NCOR1: variants seen among roughly 807,000 people sequenced by gnomAD.
The protein encoded by NCOR1 is protein phosphatase 1, regulatory subunit 109.
NCOR1 carries 63 observed loss-of-function variants against 288.1 expected under a neutral mutation model. The ratio of observed to expected loss-of-function variants is 0.22; its 90% CI spans 0.18 to 0.27. The LOEUF (loss-of-function observed/expected upper bound fraction) is 0.27, where lower values mean the gene tolerates loss of function less well. NCOR1 is among the 10% of genes least tolerant of loss of function. NCOR1 has a pLI of 1.00. For missense variants in NCOR1, 2,397 were observed against 3,019.2 expected (o/e 0.79, Z 4.83); for synonymous variants, 1,007 against 1,065.9 (o/e 0.94, Z 1.08).
chr17:16,160,433 T>C (rs1045672362), intron 5 of NCOR1, among the ~76,000 whole-genome samples: 1 of 152,034 alleles, frequency 6.6e-6, no homozygotes, highest in Non-Finnish European at 1.5e-5. Context: ...AAAGAAAAAT[T>C]AGGTAAAGAC....
intron 18 of NCOR1, among the ~76,000 whole-genome samples, chr17:16,116,730 T>C (rs1432143512): frequency 6.6e-6 from 1 of 152,114 alleles, no homozygotes; most frequent in African/African-American, 2.4e-5. Context: ...GAACTTTATG[T>C]TTACTTCCCA....
chr17:16,180,817 T>A (rs1349655856), intron 3 of NCOR1, among the ~76,000 whole-genome samples: 1 of 151,660 alleles, frequency 6.6e-6, no homozygotes, highest in African/African-American at 2.4e-5. Context: ...TTCACAATAG[T>A]TCATATATAG....
At chr17:16,200,774 A>T (rs2090684231) in intron 1 of NCOR1, among the ~76,000 whole-genome samples, 1 of 152,202 alleles carries the variant, frequency 6.6e-6, no homozygotes, top group African/African-American at 2.4e-5. Flanking sequence ...AGGTCACACC[A>T]GTTCCCACAA....
Position 16,109,752 on chromosome 17 carries a change from TGA to T in NCOR1, c.2056-842_2056-841del, listed in dbSNP as rs1228552183. 2.0e-5 allele frequency among the ~76,000 whole-genome samples: 3 copies of T among 152,152 alleles called. No homozygotes were observed. The East Asian group carries it at 5.8e-4, about 29-fold the overall frequency. On this transcript the variant is annotated intron_variant, in intron 18 of 45. Transcript: ENST00000268712. ...TACCACTCAATTTATTTTTCTTTTT[TGA>T]GACAGAATCTTGCTCTGTCACCCAG...
In NCOR1 at chr17:16,080,652, A is replaced by C. The variant is rs1290630851; in HGVS notation, c.3253T>G (p.Ser1085Ala). ...TQETPKPSVGSISLGLPRQQE... is the reference protein window; with the variant it reads ...TQETPKPSVGAISLGLPRQQE... ...TGCCGTGGCAGTCCAAGAGAGATAG[A>C]TCCCACTGACGGCTTGGGTGTTTCT... The change falls in exon 24 of 46, where the codon TCT (serine) becomes GCT (alanine). Residue 1085 changes from serine (S) to alanine (A), a missense_variant. Physicochemically the swap from Ser to Ala is moderately conservative, Grantham distance 99 (BLOSUM62 1). Coordinates refer to ENST00000268712, the MANE Select transcript of NCOR1 (RefSeq NM_006311.4). 6.2e-7 allele frequency: 1 copy of C among 1,614,160 alleles called. No individual in the cohort carries two copies. Among genetic ancestry groups the C allele is most frequent in the Non-Finnish European group, 8.5e-7 (1 of 1,180,014 alleles).
At chr17:16,212,986 T>A (rs1307530960) in intron 1 of NCOR1, among the ~76,000 whole-genome samples, 1 of 146,660 alleles carries the variant, frequency 6.8e-6, no homozygotes, top group Non-Finnish European at 1.5e-5. Context: ...GGTGGAAGGA[T>A]CACCTGAGTC....
At chr17:16,200,075 C>T (rs1464491485) in intron 1 of NCOR1, among the ~76,000 whole-genome samples, 1 of 151,500 alleles carries the variant, frequency 6.6e-6, no homozygotes, top group Non-Finnish European at 1.5e-5. Context: ...TACTATCCTG[C>T]CAAAAAAAAA....
intron 5 of NCOR1, among the ~76,000 whole-genome samples, chr17:16,161,466 T>C (rs550873107): frequency 1.3e-5 from 2 of 152,238 alleles, no homozygotes; most frequent in South Asian, 2.1e-4. Flanking sequence ...AGCTAATTTT[T>C]TGTATTTTTA....
At chr17:16,212,553 T>C (rs533548774) in intron 1 of NCOR1, among the ~76,000 whole-genome samples, 1 of 152,296 alleles carries the variant, frequency 6.6e-6, no homozygotes, top group South Asian at 2.1e-4. Context: ...GAACTAAATA[T>C]GCAAGAGTTC....
chr17:16,191,631 G>A (rs964868089), intron 2 of NCOR1, among the ~76,000 whole-genome samples: 1 of 151,924 alleles, frequency 6.6e-6, no homozygotes, highest in East Asian at 1.9e-4. Flanking sequence ...AGTGAACAGA[G>A]GTCCAGTGAA....
chr17:16,057,775 G>A, intron 39 of NCOR1, 38 bp from the exon 40 acceptor site: 1 of 1,573,376 alleles, frequency 6.4e-7, no homozygotes, highest in Admixed American at 1.8e-5. Context: ...AAAATTCATT[G>A]AGTACTTGCA....
At chr17:16,086,615 T>C (rs1354530858) in intron 22 of NCOR1, among the ~76,000 whole-genome samples, 173 bp from the exon 23 acceptor site, 1 of 152,240 alleles carries the variant, frequency 6.6e-6, no homozygotes, top group Non-Finnish European at 1.5e-5. Flanking sequence ...GTATACATAT[T>C]TGTCACAAAT....
rs1568008680 is a variant in NCOR1 at position 16,100,075 on chromosome 17, TA to T, written c.2690+1174del. Among the ~76,000 whole-genome samples, 8 of 152,058 alleles carry T rather than the reference TA, an allele frequency of 5.3e-5. No individual in the cohort carries two copies. The South Asian group carries it at 1.7e-3, about 32-fold the overall frequency. ...GAGTAGCTTGTCTCTTTATTCTTAT[TA>T]AAAAGAAAAAAAAGGAGTGGGGTTT... On this transcript the variant is annotated intron_variant, in intron 20 of 45. Transcript: ENST00000268712.
At chr17:16,207,498 T>A (rs1257298848) in intron 1 of NCOR1, among the ~76,000 whole-genome samples, 6 of 152,164 alleles carry the variant, frequency 3.9e-5, no homozygotes, top group Middle Eastern at 6.8e-3. Context: ...TCCCAGCACT[T>A]TGGGAGGCCG....
chr17:16,150,772 A>G (rs2078720154), intron 8 of NCOR1, among the ~76,000 whole-genome samples: 1 of 152,138 alleles, frequency 6.6e-6, no homozygotes, highest in Non-Finnish European at 1.5e-5. Context: ...TAAAAATGTT[A>G]AAACAGCTAA....
chr17:16,145,258 C>T (rs2077720724), intron 10 of NCOR1, among the ~76,000 whole-genome samples: 1 of 152,236 alleles, frequency 6.6e-6, no homozygotes, highest in Admixed American at 6.5e-5. Flanking sequence ...ACAACCTCCA[C>T]CTCCCAGCCG....
At chr17:16,035,464 C>G (rs1426081807) in intron 44 of NCOR1, among the ~76,000 whole-genome samples, 1 of 151,158 alleles carries the variant, frequency 6.6e-6, no homozygotes, top group Non-Finnish European at 1.5e-5. Context: ...TCATCCATTT[C>G]AAGTTTGATC....
chr17:16,147,910 CG>C (rs1323193823), intron 9 of NCOR1, among the ~76,000 whole-genome samples: 2 of 152,204 alleles, frequency 1.3e-5, no homozygotes, highest in Non-Finnish European at 2.9e-5. Context: ...CTCCGCCTCC[CG>C]GGTTCAAGTT....
At chr17:16,086,174 A>G in intron 23 of NCOR1, 108 bp downstream of exon 23, 1 of 1,201,192 alleles carries the variant, frequency 8.3e-7, no homozygotes, top group Non-Finnish European at 1.2e-6. Context: ...TCATATTCAG[A>G]CAGATTATTA....
Sources: gnomAD v4.1 joint callset for allele counts (sites outside exome capture counted in the v4.1 genomes callset) on GRCh38, gnomAD v4.1.1 for gene constraint, MANE v1.5 for transcripts, NCBI Gene and HGNC (gene_info 2026-07-23, HGNC 2026-07-21) for gene names.